PDE3A: variants seen among roughly 807,000 people sequenced by gnomAD.
PDE3A encodes the protein phosphodiesterase 3A, also known as cGMP-inhibited 3',5'-cyclic phosphodiesterase 3A.
PDE3A carries 43 observed loss-of-function variants against 98.3 expected under a neutral mutation model. The ratio of observed to expected loss-of-function variants is 0.44; its 90% CI spans 0.34 to 0.56. PDE3A has a LOEUF of 0.56. PDE3A is among the 20% of genes least tolerant of loss of function. The probability of loss-of-function intolerance (pLI) is 0.01; values close to 1 mark genes in which losing one functional copy is unlikely to be tolerated. For missense variants in PDE3A, 1,427 were observed against 1,440.7 expected, an observed-to-expected ratio of 0.99 and a Z score of 0.15; for synonymous variants, 663 against 567.9, an observed-to-expected ratio of 1.17 and a Z score of -2.38.
chr12:20,453,395 G>C (rs888276204), intron 1 of PDE3A, among the ~76,000 whole-genome samples: 1 of 151,868 alleles, frequency 6.6e-6, no homozygotes, highest in Non-Finnish European at 1.5e-5. Context: ...GGCCAGGCTG[G>C]TCTCAAACTC....
chr12:20,428,415 G>A (rs1386571414), intron 1 of PDE3A, among the ~76,000 whole-genome samples: 4 of 152,014 alleles, frequency 2.6e-5, no homozygotes, highest in Admixed American at 1.3e-4. Flanking sequence ...AAGCAGCTGC[G>A]ACTACAGGCG....
chr12:20,457,156 A>G (rs915036960), intron 1 of PDE3A, among the ~76,000 whole-genome samples: 2 of 152,106 alleles, frequency 1.3e-5, no homozygotes, highest in African/African-American at 4.8e-5. Flanking sequence ...TTGGCAAAGG[A>G]ATTCCTTTCT....
At position 20,444,978 on chromosome 12, in the gene PDE3A, A is replaced by G. The variant is rs187003167; in HGVS notation, c.960+74734A>G. On this transcript the variant is annotated intron_variant, in intron 1 of 15. Transcript: ENST00000359062. ...ACGCGGGATCAGTAAATTTTGCACTAGGAAATACCTAATGTCAAGCCTTAG... is the reference window on the plus strand; with the variant it reads ...ACGCGGGATCAGTAAATTTTGCACTGGGAAATACCTAATGTCAAGCCTTAG... Among the ~76,000 whole-genome samples the G allele has an allele frequency of 5.9e-5, 9 of 152,322 alleles. No homozygotes were observed. In the East Asian group the frequency reaches 1.5e-3, roughly 26 times the overall value.
intron 2 of PDE3A, among the ~76,000 whole-genome samples, chr12:20,582,969 A>C (rs1032654394): frequency 6.6e-6 from 1 of 152,204 alleles, no homozygotes; most frequent in Non-Finnish European, 1.5e-5. Flanking sequence ...TTGAATTCCA[A>C]GGAACAATTT....
intron 15 of PDE3A, among the ~76,000 whole-genome samples, chr12:20,671,877 G>T (rs879547542): frequency 6.8e-5 from 10 of 147,128 alleles, no homozygotes; most frequent in African/African-American, 1.5e-4. Flanking sequence ...AGGAAATAAA[G>T]GGTATTCAAT....
intron 10 of PDE3A, among the ~76,000 whole-genome samples, chr12:20,640,682 T>C (rs1221550460): frequency 1.3e-5 from 2 of 152,080 alleles, no homozygotes; most frequent in Non-Finnish European, 2.9e-5. Context: ...AAATTTTCAT[T>C]ATGTAGCATT....
intron 2 of PDE3A, among the ~76,000 whole-genome samples, chr12:20,562,777 G>T (rs573780380): frequency 1.3e-5 from 2 of 152,092 alleles, no homozygotes; most frequent in Non-Finnish European, 2.9e-5. Flanking sequence ...GGACTTAAAA[G>T]TACTTACAAG....
chr12:20,677,063 G>C (rs1398623999), intron 15 of PDE3A, among the ~76,000 whole-genome samples: 1 of 151,936 alleles, frequency 6.6e-6, no homozygotes, highest in African/African-American at 2.4e-5. Flanking sequence ...CATCTGACTG[G>C]GTTATGTCAA....
intron 1 of PDE3A, among the ~76,000 whole-genome samples, chr12:20,442,742 TAA>T (rs1390894051): frequency 1.3e-5 from 2 of 152,222 alleles, no homozygotes; most frequent in African/African-American, 4.8e-5. Flanking sequence ...AAAACAATCC[TAA>T]AGAGGTGAGA....
intron 2 of PDE3A, among the ~76,000 whole-genome samples, chr12:20,567,991 T>G (rs981147821): frequency 6.6e-6 from 1 of 152,028 alleles, no homozygotes; most frequent in Non-Finnish European, 1.5e-5. Flanking sequence ...TTAAAAAGTA[T>G]TTGTTCGTTT....
At chr12:20,586,276 A>G (rs1466627085) in intron 2 of PDE3A, among the ~76,000 whole-genome samples, 4 of 152,214 alleles carry the variant, frequency 2.6e-5, no homozygotes, top group Non-Finnish European at 5.9e-5. Context: ...CTGGGTTTAG[A>G]TATGACACCC....
chr12:20,586,163 GA>G (rs1943191917), intron 2 of PDE3A, among the ~76,000 whole-genome samples: 1 of 152,110 alleles, frequency 6.6e-6, no homozygotes, highest in Non-Finnish European at 1.5e-5. Flanking sequence ...AAAAAGGCAA[GA>G]AACAATCTGT....
intron 1 of PDE3A, among the ~76,000 whole-genome samples, chr12:20,544,762 A>G (rs1198455836): frequency 6.6e-6 from 1 of 151,962 alleles, no homozygotes; most frequent in African/African-American, 2.4e-5. Flanking sequence ...AATATGGAGC[A>G]TATGCCTCTA....
At chr12:20,543,100 G>A (rs529898155) in intron 1 of PDE3A, among the ~76,000 whole-genome samples, 7 of 152,002 alleles carry the variant, frequency 4.6e-5, no homozygotes, top group Non-Finnish European at 1.0e-4. Flanking sequence ...TTCACCTGAA[G>A]TTAAGTTCAT....
At chr12:20,383,623 G>A (rs892402153) in intron 1 of PDE3A, among the ~76,000 whole-genome samples, 1 of 151,984 alleles carries the variant, frequency 6.6e-6, no homozygotes, top group Non-Finnish European at 1.5e-5. Context: ...GGCCCTAGGA[G>A]CAGCAGGAGT....
At chr12:20,412,085 C>T (rs1944344207) in intron 1 of PDE3A, among the ~76,000 whole-genome samples, 1 of 152,086 alleles carries the variant, frequency 6.6e-6, no homozygotes, top group Non-Finnish European at 1.5e-5. Context: ...ATTGTTTCAG[C>T]CCTGTATAGT....
intron 1 of PDE3A, among the ~76,000 whole-genome samples, chr12:20,555,278 T>C (rs551422633): frequency 6.6e-6 from 1 of 152,320 alleles, no homozygotes; most frequent in South Asian, 2.1e-4. Context: ...CTTCCCTAAA[T>C]ACTAGGATTA....
intron 2 of PDE3A, among the ~76,000 whole-genome samples, chr12:20,608,676 A>C (rs1171544573): frequency 6.6e-6 from 1 of 152,040 alleles, no homozygotes; most frequent in Non-Finnish European, 1.5e-5. Flanking sequence ...ACTTTAAAGA[A>C]AAAATAAAAT....
chr12:20,668,400 A>G (rs1200563827), intron 15 of PDE3A, among the ~76,000 whole-genome samples: 1 of 152,080 alleles, frequency 6.6e-6, no homozygotes. Context: ...GGGGCAGGGC[A>G]CAGACAAACA....
Sources: allele counts gnomAD v4.1 joint callset (sites outside exome capture counted in the v4.1 genomes callset), GRCh38; gene constraint gnomAD v4.1.1; transcripts MANE v1.5; gene names NCBI Gene and HGNC (gene_info 2026-07-23, HGNC 2026-07-21).